TCF20: variants seen among roughly 807,000 people sequenced by gnomAD.
TCF20 encodes the protein transcription factor 20.
In TCF20, 3 loss-of-function variants were observed where a neutral mutation model predicts 148.6. The ratio of observed to expected loss-of-function variants is 0.02; its 90% CI spans 0.01 to 0.05. TCF20 has a LOEUF of 0.05. TCF20 is among the 10% of genes least tolerant of loss of function. The pLI is 1.00. For synonymous variants in TCF20, 1,049 were observed against 909.5 expected (o/e 1.15, Z -2.76); for missense variants, 2,350 against 2,429.3 (o/e 0.97, Z 0.69).
chr22:42,211,494 T>C lies in TCF20; in HGVS notation c.3812A>G (p.Gln1271Arg). 1 of 1,614,190 alleles carries C rather than the reference T, an allele frequency of 6.2e-7. No individual in the cohort carries two copies. Among genetic ancestry groups the C allele is most frequent in the Non-Finnish European group, 8.5e-7 (1 of 1,180,048 alleles). ...TTCAGTGCTACTGTTCTTTACATCTTGTGACTGTCTCTTACTGGGAATGGG... is the reference window on the plus strand; with the variant it reads ...TTCAGTGCTACTGTTCTTTACATCTCGTGACTGTCTCTTACTGGGAATGGG... ...ISPIPSKRQSQDVKNSSTEDK... is the reference protein window; with the variant it reads ...ISPIPSKRQSRDVKNSSTEDK... Residue 1271 changes from glutamine to arginine, a missense_variant, in exon 2 of 6, where the codon CAA (glutamine) becomes CGA (arginine). This residue lies in a region of TCF20 where 1,641 missense variants were observed against 1,662.6 expected (regional missense o/e 0.99). Transcript: ENST00000677622.
At chr22:42,260,636 C>T (rs889912994) in intron 1 of TCF20, among the ~76,000 whole-genome samples, 29 of 152,252 alleles carry the variant, frequency 1.9e-4, no homozygotes, top group Non-Finnish European at 3.4e-4. Context: ...AGATGAACAT[C>T]ACCATGCCTG....
At chr22:42,242,373 G>T (rs1402759131) in intron 1 of TCF20, among the ~76,000 whole-genome samples, 1 of 151,800 alleles carries the variant, frequency 6.6e-6, no homozygotes, top group Non-Finnish European at 1.5e-5. Context: ...AAAGAATCAA[G>T]AATCTTGGTG....
Position 42,297,624 on chromosome 22 carries a change from C to T in TCF20, c.-37+45855G>A, listed in dbSNP as rs1927259589. Among the ~76,000 whole-genome samples, 1 of 152,196 alleles carries T rather than the reference C, an allele frequency of 6.6e-6. No homozygotes were observed. Among genetic ancestry groups the T allele is most frequent in the South Asian group, 2.1e-4 (1 of 4,838 alleles). On this transcript the variant is annotated intron_variant, in intron 1 of 1. Transcript: ENST00000515426. This position sits in a 1 kb window ranked among gnomAD's most constrained non-coding sequence, Gnocchi z 4.3. ...GAGCCTCGAGCTCAGCCCCCAGGAGCTTCCCCTTCATAACCTCTTCTCCCA... is the reference window on the plus strand; with the variant it reads ...GAGCCTCGAGCTCAGCCCCCAGGAGTTTCCCCTTCATAACCTCTTCTCCCA...
At chr22:42,227,302 C>T (rs1229597291) in intron 1 of TCF20, among the ~76,000 whole-genome samples, 1 of 152,156 alleles carries the variant, frequency 6.6e-6, no homozygotes, top group Non-Finnish European at 1.5e-5. Flanking sequence ...TTTTAAATTA[C>T]TTCAAATGTA....
intron 1 of TCF20, among the ~76,000 whole-genome samples, chr22:42,291,884 C>T (rs1927139777): frequency 6.6e-6 from 1 of 151,866 alleles, no homozygotes; most frequent in Non-Finnish European, 1.5e-5. Context: ...GGGGGTGGGG[C>T]CCTACCCAAT....
chr22:42,328,278 G>A (rs1482355165), intron 1 of TCF20, among the ~76,000 whole-genome samples: 1 of 152,192 alleles, frequency 6.6e-6, no homozygotes, highest in Non-Finnish European at 1.5e-5. Flanking sequence ...CCAGCTCTCT[G>A]CAACATATTT....
At chr22:42,322,652 G>A (rs1452738298) in intron 1 of TCF20, among the ~76,000 whole-genome samples, 1 of 151,876 alleles carries the variant, frequency 6.6e-6, no homozygotes, top group Non-Finnish European at 1.5e-5. Context: ...ATGAGTGAGT[G>A]AGTGAGCAAG....
intron 1 of TCF20, among the ~76,000 whole-genome samples, chr22:42,342,650 G>A (rs930254766): frequency 1.6e-4 from 24 of 152,186 alleles, no homozygotes; most frequent in Non-Finnish European, 8.8e-5. Context: ...CAGAGCCCTC[G>A]GGTCAGAAGC....
intron 3 of TCF20, among the ~76,000 whole-genome samples, chr22:42,177,142 C>T (rs993986114): frequency 1.7e-4 from 26 of 152,216 alleles, no homozygotes; most frequent in Admixed American, 8.5e-4. Context: ...ACGCTGGGCG[C>T]GGTGGCTCAC....
chr22:42,291,690 T>TGTGGATCCAG (rs1442822091), intron 1 of TCF20, among the ~76,000 whole-genome samples: 1 of 152,006 alleles, frequency 6.6e-6, no homozygotes, highest in South Asian at 2.1e-4. Flanking sequence ...GCAGGACTGC[T>TGTGGATCCAG]GTGGATCCAG....
intron 1 of TCF20, among the ~76,000 whole-genome samples, chr22:42,261,926 G>A (rs1926050597): frequency 6.6e-6 from 1 of 152,216 alleles, no homozygotes; most frequent in African/African-American, 2.4e-5. Context: ...GGGAGGCGGA[G>A]GTTGCAGTGA....
In TCF20 at chr22:42,299,231, C is replaced by T. The variant is rs1266292501; in HGVS notation, c.-37+44248G>A. On this transcript the variant is annotated intron_variant, in intron 1 of 1. Coordinates refer to the TCF20 transcript ENST00000515426. This position sits in a 1 kb window ranked among gnomAD's most constrained non-coding sequence, Gnocchi z 4.1. ...GCAGACAGCAAGAGCAACCAGTGAG[C>T]CCAGAGGACAATCACAGGGAGGACG... is the stretch of plus-strand genomic sequence containing the variant. 6.6e-6 allele frequency among the ~76,000 whole-genome samples: 1 copy of T among 152,136 alleles called. No homozygotes were observed. The highest frequency in any genetic ancestry group is 1.5e-5 in the Non-Finnish European group (1 of 68,012).
chr22:42,299,845 C>A lies in TCF20; in HGVS notation c.-37+43634G>T, dbSNP rs534189098. ...GGAAGAGAGAAGGGGGAGAAGGAAGCGGAGGGGAGGAGGGAGGAGGGAAAA... is the reference window on the plus strand; with the variant it reads ...GGAAGAGAGAAGGGGGAGAAGGAAGAGGAGGGGAGGAGGGAGGAGGGAAAA... On this transcript the variant is annotated intron_variant, in intron 1 of 1. Coordinates refer to the TCF20 transcript ENST00000515426. The surrounding 1 kb of genome is among the most constrained non-coding windows in gnomAD (Gnocchi z 4.1). Among the ~76,000 whole-genome samples the A allele has an allele frequency of 7.0e-6, 1 of 143,396 alleles. No homozygotes were observed. Among genetic ancestry groups the A allele is most frequent in the South Asian group, 2.3e-4 (1 of 4,364 alleles). 94.1% of individuals were successfully genotyped at this position (143,396 alleles called of 152,430 possible).
upstream of TCF20, among the ~76,000 whole-genome samples, chr22:42,272,515 T>G (rs1393820281): frequency 1.3e-5 from 2 of 152,204 alleles, no homozygotes; most frequent in Non-Finnish European, 2.9e-5. Flanking sequence ...GCTGACAATC[T>G]GTCGCAGAGC....
At chr22:42,340,877 A>G (rs898239148) in intron 1 of TCF20, among the ~76,000 whole-genome samples, 2 of 147,544 alleles carry the variant, frequency 1.4e-5, no homozygotes, top group South Asian at 2.2e-4. Flanking sequence ...AAAGGAGAGG[A>G]GGGAAGCCCC....
At chr22:42,187,568 G>A (rs1350656706) in intron 2 of TCF20, among the ~76,000 whole-genome samples, 1 of 152,184 alleles carries the variant, frequency 6.6e-6, no homozygotes, top group Non-Finnish European at 1.5e-5. Context: ...CCGTTTTGGC[G>A]GCATCTAACA....
At chr22:42,164,366 C>T (rs892797261) in intron 5 of TCF20, among the ~76,000 whole-genome samples, 3 of 152,092 alleles carry the variant, frequency 2.0e-5, no homozygotes, top group African/African-American at 7.2e-5. Flanking sequence ...AGGCGCCCAC[C>T]ACCACGCCCG....
chr22:42,242,218 A>AAC (rs1924484043), intron 1 of TCF20, among the ~76,000 whole-genome samples: 1 of 142,586 alleles, frequency 7.0e-6, no homozygotes, highest in South Asian at 2.2e-4. Context: ...AAAAAAAAAA[A>AAC]AAAAAAAAAC....
At chr22:42,219,439 CA>C (rs1373116463) in intron 1 of TCF20, among the ~76,000 whole-genome samples, 1 of 143,834 alleles carries the variant, frequency 7.0e-6, no homozygotes, top group Non-Finnish European at 1.5e-5. Flanking sequence ...TCAGTGTAGT[CA>C]GTTTTAAAGC....
Sources: allele counts gnomAD v4.1 joint callset (sites outside exome capture counted in the v4.1 genomes callset), GRCh38; gene constraint gnomAD v4.1.1; regional missense constraint gnomAD v4.1.1; non-coding constraint Gnocchi (gnomAD v3.1); transcripts MANE v1.5; gene names NCBI Gene and HGNC (gene_info 2026-07-23, HGNC 2026-07-21).